The following LOXHD1 variants were observed in gnomAD, a reference collection of about 807,000 sequenced individuals.
The protein encoded by LOXHD1 is lipoxygenase homology domain-containing protein 1.
A neutral mutation model predicts 248.2 loss-of-function variants in LOXHD1; 205 were observed. The observed-to-expected ratio is 0.83, with a 90% CI of 0.74 to 0.93. The LOEUF (loss-of-function observed/expected upper bound fraction) is 0.93, where lower values mean the gene tolerates loss of function less well. Among genes scored for constraint, LOXHD1 ranks in the 40% least tolerant of loss-of-function variants. The pLI is 0.00. For missense variants in LOXHD1, 2,930 were observed against 2,971.6 expected (o/e 0.99, Z 0.33); for synonymous variants, 1,113 against 1,162.8 (o/e 0.96, Z 0.87).
chr18:46,560,049 C>CCCGGG, intron 19 of LOXHD1, 34 bp downstream of exon 19: 2 of 555,556 alleles, frequency 3.6e-6, no homozygotes, highest in Non-Finnish European at 6.5e-6. Context: ...TCTGGCCACT[C>CCCGGG]CCTCCCCACC....
chr18:46,602,108 A>T (rs1213411954), intron 7 of LOXHD1, among the ~76,000 whole-genome samples: 2 of 152,228 alleles, frequency 1.3e-5, no homozygotes, highest in Admixed American at 1.3e-4. Context: ...AGGGAGATTA[A>T]ACTCTGGGAC....
chr18:46,504,767 A>C (rs755839221), intron 37 of LOXHD1, among the ~76,000 whole-genome samples: 2 of 152,224 alleles, frequency 1.3e-5, no homozygotes, highest in Non-Finnish European at 2.9e-5. Flanking sequence ...GAACAACACA[A>C]CATTCAGGAC....
In LOXHD1 at chr18:46,524,881, C is replaced by T. The variant is rs547086707; in HGVS notation, c.4567G>A (p.Val1523Ile). 97 of 1,551,710 alleles carry T rather than the reference C, an allele frequency of 6.3e-5. No individual in the cohort carries two copies. Among genetic ancestry groups the T allele is most frequent in the Middle Eastern group, 5.0e-4 (3 of 5,992 alleles). ...TFIIEAADLG[V>I]IYKIKLRHDN... Reference sequence around the variant, plus strand: ...TGGCGGAGCTTGATCTTGTAGATGACGCCTAGGTCAGCGGCCTCGATGATG... The same window carrying T: ...TGGCGGAGCTTGATCTTGTAGATGATGCCTAGGTCAGCGGCCTCGATGATG... Residue 1523 changes from valine (V) to isoleucine (I), a missense_variant, in exon 30 of 41, where the codon GTC becomes ATC. Val to Ile is a conservative substitution (Grantham distance 29). Coordinates refer to ENST00000642948, the MANE Select transcript of LOXHD1 (RefSeq NM_001384474.1).
rs1265155697 is a variant in LOXHD1 at position 46,522,116 on chromosome 18, G to T, written c.5070C>A (p.Ile1690=). Reference sequence around the variant, plus strand: ...AAGCCAGCACCTCTATTTTCTTGATGATGCCCACATCCAAGCCTGCGACGT... The same window carrying T: ...AAGCCAGCACCTCTATTTTCTTGATTATGCCCACATCCAAGCCTGCGACGT... The part of the protein sequence containing the change: ...EFYVAGLDVG[I]IKKIELGHDG... The change falls in exon 32 of 41, where the codon ATC becomes ATA. Residue 1690 remains isoleucine, a synonymous_variant. Coordinates refer to ENST00000642948, the MANE Select transcript of LOXHD1 (RefSeq NM_001384474.1). The T allele has an allele frequency of 1.3e-6, 2 of 1,543,290 alleles. No homozygotes were observed.
intron 16 of LOXHD1, 114 bp from the exon 17 acceptor site, chr18:46,566,563 A>T: frequency 1.1e-6 from 1 of 887,370 alleles, no homozygotes; most frequent in Non-Finnish European, 1.7e-6. Flanking sequence ...TCCAGTCCCC[A>T]GGAGAGGGAA....
intron 4 of LOXHD1, among the ~76,000 whole-genome samples, chr18:46,628,796 T>C (rs2038780659): frequency 6.6e-6 from 1 of 152,206 alleles, no homozygotes; most frequent in Admixed American, 6.5e-5. Flanking sequence ...CACTAAGTCC[T>C]GTATGCTCAT....
intron 19 of LOXHD1, 96 bp from the exon 20 acceptor site, chr18:46,559,698 A>T: frequency 7.5e-7 from 1 of 1,335,466 alleles, no homozygotes; most frequent in Admixed American, 2.2e-5. Context: ...ATCCTAGAAC[A>T]GAGGGATCTT....
At chr18:46,609,912 CA>C (rs1434657867) in intron 6 of LOXHD1, among the ~76,000 whole-genome samples, 1 of 152,220 alleles carries the variant, frequency 6.6e-6, no homozygotes, top group Non-Finnish European at 1.5e-5. Flanking sequence ...GCTTTCTTTA[CA>C]AACTTTGAAT....
At position 46,601,251 on chromosome 18, in the gene LOXHD1, T is replaced by C. The variant is rs2038332239; in HGVS notation, c.1100A>G (p.Asn367Ser). The C allele has an allele frequency of 6.4e-7, 1 of 1,551,684 alleles. No homozygotes were observed. The highest frequency in any genetic ancestry group is 8.7e-7 in the Non-Finnish European group (1 of 1,146,950). ...PLSRVSVGHG[N>S]VGVNRGWFCE... ...GAACCAGCCTCTGTTGACACCCACA[T>C]TGCCATGCCCGACGGAGACCCGACT... is the stretch of plus-strand genomic sequence containing the variant. The change falls in exon 8 of 41, where the codon AAT (asparagine) becomes AGT (serine). Residue 367 changes from asparagine (N) to serine (S), a missense_variant. By Grantham distance (46) the Asn-to-Ser change is conservative. Transcript: ENST00000642948.
chr18:46,547,182 A>G lies in LOXHD1; in HGVS notation c.3351-124T>C. 3.6e-6 allele frequency: 4 copies of G among 1,099,266 alleles called. No individual in the cohort carries two copies. In the South Asian group the frequency reaches 4.4e-5, roughly 12 times the overall value. 68.1% of individuals were successfully genotyped at this position (1,099,266 alleles called of 1,614,324 possible). On this transcript the variant is annotated intron_variant, in intron 21 of 40. Transcript: ENST00000642948. The stretch of plus-strand genomic sequence containing the variant: ...AAACTCTCCCCTGTCTGCCCCTGAC[A>G]GCATTGCCCTGCTATTCTACCCAGC...
chr18:46,530,617 C>A (rs1360578788), intron 28 of LOXHD1, among the ~76,000 whole-genome samples: 1 of 152,166 alleles, frequency 6.6e-6, no homozygotes, highest in Non-Finnish European at 1.5e-5. Flanking sequence ...AATGAGATGG[C>A]CTGTCTTATC....
At chr18:46,484,008 T>G in intron 39 of LOXHD1, among the ~76,000 whole-genome samples, 1 of 151,204 alleles carries the variant, frequency 6.6e-6, no homozygotes, top group South Asian at 2.1e-4. Flanking sequence ...ATGGGGAGGG[T>G]GGTGAGACTT....
chr18:46,494,673 T>A (rs2033713471), intron 37 of LOXHD1, among the ~76,000 whole-genome samples: 1 of 152,082 alleles, frequency 6.6e-6, no homozygotes, highest in East Asian at 1.9e-4. Context: ...ACACGTTATA[T>A]CCCCATGCCT....
intron 16 of LOXHD1, among the ~76,000 whole-genome samples, chr18:46,568,333 G>C (rs1267444215): frequency 6.6e-6 from 1 of 152,176 alleles, no homozygotes; most frequent in African/African-American, 2.4e-5. Flanking sequence ...TTAGAACTGT[G>C]TTTCTCCAGG....
chr18:46,530,271 T>A (rs1047413319), intron 28 of LOXHD1, among the ~76,000 whole-genome samples: 2 of 151,544 alleles, frequency 1.3e-5, no homozygotes, highest in Admixed American at 6.6e-5. Flanking sequence ...TGGGAGGGAG[T>A]GAGGATTCGG....
Position 46,518,138 on chromosome 18 carries a change from T to C in LOXHD1, c.5390A>G (p.Lys1797Arg), listed in dbSNP as rs368286192. 225 of 1,551,472 alleles carry C rather than the reference T, an allele frequency of 1.5e-4. No individual in the cohort carries two copies. Among genetic ancestry groups the C allele is most frequent in the Non-Finnish European group, 1.8e-4 (210 of 1,146,948 alleles). ...GGCCGCCTCCAGGTACCTGGCTTTC[T>C]TTTTGTCCAGCTGCATCTCCTCTGT... ...GSTEEMQLDK[K>R]KARFEREQND... is the part of the protein sequence containing the mutation. The change falls in exon 34 of 41, where the codon AAG (lysine) becomes AGG (arginine). Residue 1797 changes from lysine (K) to arginine (R), a missense_variant. By Grantham distance (26) the Lys-to-Arg change is conservative. Transcript: ENST00000642948.
chr18:46,548,951 G>A (rs774246331), intron 21 of LOXHD1, among the ~76,000 whole-genome samples: 2 of 152,178 alleles, frequency 1.3e-5, no homozygotes, highest in East Asian at 1.9e-4. Context: ...AGAGCAGCAC[G>A]TCTCCTCTCA....
chr18:46,578,271 T>C (rs2037898032), intron 13 of LOXHD1, among the ~76,000 whole-genome samples: 1 of 152,176 alleles, frequency 6.6e-6, no homozygotes, highest in Non-Finnish European at 1.5e-5. Flanking sequence ...GCTAATTGTA[T>C]AGTTTTGCTC....
intron 28 of LOXHD1, among the ~76,000 whole-genome samples, chr18:46,532,549 T>C (rs749962545): frequency 6.6e-6 from 1 of 151,832 alleles, no homozygotes; most frequent in African/African-American, 2.4e-5. Context: ...AATATGGTGG[T>C]ATCACCAAAA....
Sources: gnomAD v4.1 joint callset for allele counts (sites outside exome capture counted in the v4.1 genomes callset) on GRCh38, gnomAD v4.1.1 for gene constraint, MANE v1.5 for transcripts, NCBI Gene and HGNC (gene_info 2026-07-23, HGNC 2026-07-21) for gene names.